Variants in LAMA2 observed in about 807,000 individuals in gnomAD.
LAMA2 encodes the protein laminin subunit alpha-2.
A neutral mutation model predicts 364.8 loss-of-function variants in LAMA2; 269 were observed. That is an observed-to-expected ratio of 0.74 (90% CI 0.67 to 0.82). The LOEUF (loss-of-function observed/expected upper bound fraction) is 0.82. LAMA2 is among the 40% of genes least tolerant of loss of function. LAMA2 has a pLI of 0.00. For missense variants in LAMA2, 3,807 were observed against 3,873.2 expected (o/e 0.98, Z 0.45); for synonymous variants, 1,379 against 1,370.6 (o/e 1.01, Z -0.14).
At chr6:129,139,376 A>G (rs1408003894) in intron 4 of LAMA2, among the ~76,000 whole-genome samples, 1 of 152,100 alleles carries the variant, frequency 6.6e-6, no homozygotes, top group Non-Finnish European at 1.5e-5. Context: ...TCTGTACCGA[A>G]CATGTGCAGA....
intron 34 of LAMA2, among the ~76,000 whole-genome samples, chr6:129,381,268 T>C (rs371086409): frequency 1.3e-5 from 2 of 152,302 alleles, no homozygotes; most frequent in African/African-American, 4.8e-5. Flanking sequence ...GTAAGAGTGG[T>C]ACCATAAAGT....
chr6:129,071,118 T>C (rs2114818621), intron 3 of LAMA2, among the ~76,000 whole-genome samples: 1 of 152,306 alleles, frequency 6.6e-6, no homozygotes, highest in East Asian at 1.9e-4. Flanking sequence ...TGGGACTCAC[T>C]GGAGTTTTCA....
intron 48 of LAMA2, 125 bp from the exon 49 acceptor site, chr6:129,460,075 T>G: frequency 1.1e-6 from 1 of 923,472 alleles, no homozygotes; most frequent in Non-Finnish European, 1.8e-6. Context: ...TATGTACATA[T>G]GCCAAAATAT....
intron 12 of LAMA2, among the ~76,000 whole-genome samples, chr6:129,211,966 C>A (rs1047146198): frequency 6.6e-6 from 1 of 152,138 alleles, no homozygotes; most frequent in Non-Finnish European, 1.5e-5. Context: ...TTTTTGTGGA[C>A]AGCAGTTATT....
chr6:129,181,214 C>G (rs1465844527), intron 10 of LAMA2, among the ~76,000 whole-genome samples: 1 of 151,922 alleles, frequency 6.6e-6, no homozygotes, highest in Non-Finnish European at 1.5e-5. Flanking sequence ...ATAATACAGC[C>G]TCAACTGAAA....
chr6:128,989,945 G>A (rs1247518241), intron 1 of LAMA2, among the ~76,000 whole-genome samples: 1 of 152,090 alleles, frequency 6.6e-6, no homozygotes, highest in African/African-American at 2.4e-5. Flanking sequence ...TCTTTCAGAC[G>A]CTGGTCACCT....
chr6:129,422,674 T>A (rs1781133655), intron 40 of LAMA2, among the ~76,000 whole-genome samples: 1 of 152,192 alleles, frequency 6.6e-6, no homozygotes, highest in African/African-American at 2.4e-5. Flanking sequence ...TGAATAGTTC[T>A]ATATTCATTA....
intron 4 of LAMA2, among the ~76,000 whole-genome samples, chr6:129,121,979 A>G (rs552158153): frequency 6.6e-6 from 1 of 152,316 alleles, no homozygotes; most frequent in Non-Finnish European, 1.5e-5. Context: ...ATTATGACTC[A>G]TTATCATGAT....
intron 12 of LAMA2, among the ~76,000 whole-genome samples, chr6:129,243,396 T>A (rs892875716): frequency 6.6e-6 from 1 of 152,112 alleles, no homozygotes; most frequent in South Asian, 2.1e-4. Context: ...AACACTATAA[T>A]GAATATCTCT....
chr6:129,453,163 G>T, intron 46 of LAMA2, 32 bp downstream of exon 46: 1 of 1,587,574 alleles, frequency 6.3e-7, no homozygotes. Flanking sequence ...TCATTAGGCT[G>T]CTGTATGTGT....
intron 7 of LAMA2, among the ~76,000 whole-genome samples, chr6:129,150,272 T>A (rs1033422197): frequency 5.3e-5 from 8 of 152,166 alleles, no homozygotes; most frequent in South Asian, 2.1e-4. Context: ...ATCCCTTAGT[T>A]CTCCACAGCT....
At chr6:129,398,073 T>C (rs965479377) in intron 37 of LAMA2, among the ~76,000 whole-genome samples, 1 of 152,178 alleles carries the variant, frequency 6.6e-6, no homozygotes, top group East Asian at 1.9e-4. Context: ...TCAAAATATA[T>C]ATAGCTCTTC....
chr6:129,241,997 G>T (rs1785422138), intron 12 of LAMA2, among the ~76,000 whole-genome samples: 1 of 152,074 alleles, frequency 6.6e-6, no homozygotes, highest in African/African-American at 2.4e-5. Flanking sequence ...CTGCTTTTCT[G>T]GGAAATACGT....
intron 2 of LAMA2, among the ~76,000 whole-genome samples, chr6:129,057,612 C>T (rs891578146): frequency 3.3e-5 from 5 of 152,098 alleles, no homozygotes; most frequent in Admixed American, 6.5e-5. Flanking sequence ...GAAACCACTG[C>T]TGTGAGCGGA....
chr6:129,023,008 C>T (rs539912182), intron 1 of LAMA2, among the ~76,000 whole-genome samples: 1 of 152,146 alleles, frequency 6.6e-6, no homozygotes, highest in Admixed American at 6.5e-5. Context: ...GATATGTCAC[C>T]CTATTAGTTT....
At chr6:129,371,556 A>G (rs1429922354) in intron 34 of LAMA2, among the ~76,000 whole-genome samples, 1 of 150,992 alleles carries the variant, frequency 6.6e-6, no homozygotes, top group African/African-American at 2.4e-5. Flanking sequence ...CCTTGCCCTC[A>G]TTGGCTTAGT....
Position 129,415,747 on chromosome 6 carries a change from G to A in LAMA2, c.5865+11788G>A, listed in dbSNP as rs143822939. 7.9e-3 allele frequency among the ~76,000 whole-genome samples: 1,207 copies of A among 152,188 alleles called. 64 individuals are homozygous for A. Among genetic ancestry groups the A allele is most frequent in the Admixed American group, 0.071 (1,088 of 15,292 alleles). On this transcript the variant is annotated intron_variant, in intron 40 of 64. Coordinates refer to ENST00000421865, the MANE Select transcript of LAMA2 (RefSeq NM_000426.4). ...TGTAATCCAGGCTACTCAGGAGGCT[G>A]AGGTGGGAGGATCCCCTGAGCCTGG...
intron 32 of LAMA2, among the ~76,000 whole-genome samples, chr6:129,361,422 C>A (rs1777452533): frequency 6.6e-6 from 1 of 152,210 alleles, no homozygotes; most frequent in African/African-American, 2.4e-5. Flanking sequence ...AGTTTAGTAG[C>A]TTAAAACAAC....
At chr6:129,126,203 A>G (rs1387470530) in intron 4 of LAMA2, among the ~76,000 whole-genome samples, 2 of 152,202 alleles carry the variant, frequency 1.3e-5, no homozygotes, top group Admixed American at 6.5e-5. Flanking sequence ...TTTTTTTGAG[A>G]ACCAGAAAAA....
Sources: allele counts gnomAD v4.1 joint callset (sites outside exome capture counted in the v4.1 genomes callset), GRCh38; gene constraint gnomAD v4.1.1; transcripts MANE v1.5; gene names NCBI Gene and HGNC (gene_info 2026-07-23, HGNC 2026-07-21).